The following CDKN2A variants were observed in gnomAD, a reference collection of about 807,000 sequenced individuals.
CDKN2A encodes the protein cyclin-dependent kinase inhibitor 2A.
A neutral mutation model predicts 11.1 loss-of-function variants in CDKN2A; 3 were observed. The ratio of observed to expected loss-of-function variants is 0.27; its 90% CI spans 0.12 to 0.70. The LOEUF is 0.70. Among genes scored for constraint, CDKN2A ranks in the 30% least tolerant of loss-of-function variants. CDKN2A has a pLI of 0.77. For synonymous variants in CDKN2A, 122 were observed against 108.1 expected, an observed-to-expected ratio of 1.13 and a Z score of -0.80; for missense variants, 265 against 233.6, an observed-to-expected ratio of 1.13 and a Z score of -0.88.
chr9:21,987,222 A>G (rs534541319), intron 2 of CDKN2A, among the ~76,000 whole-genome samples: 4 of 152,108 alleles, frequency 2.6e-5, no homozygotes, highest in African/African-American at 9.6e-5. Flanking sequence ...TTGTCCATAA[A>G]TGCTTTATTC....
chr9:21,993,876 A>G, intron 2 of CDKN2A: 1 of 548,506 alleles, frequency 1.8e-6, no homozygotes, highest in Non-Finnish European at 3.3e-6. Flanking sequence ...GATATTCGGG[A>G]CTCACTGACT....
At position 21,974,762 on chromosome 9, in the gene CDKN2A, C is replaced by G. The variant is rs776810546; in HGVS notation, c.66G>C (p.Arg22=). 1 of 1,609,360 alleles carries G rather than the reference C, an allele frequency of 6.2e-7. No individual in the cohort carries two copies. The highest frequency in any genetic ancestry group is 8.5e-7 in the Non-Finnish European group (1 of 1,179,418). ...SADWLATAAA[R]GRVEEVRALL... is the part of the protein sequence containing the mutation. ...GCGCCCGCACCTCCTCTACCCGACC[C>G]CGGGCCGCGGCCGTGGCCAGCCAGT... The change falls in exon 1 of 3, where the codon CGG becomes CGC. Residue 22 remains arginine, a synonymous_variant. Coordinates refer to ENST00000304494, the MANE Select transcript of CDKN2A (RefSeq NM_000077.5). This position sits in a 1 kb window ranked among gnomAD's most constrained non-coding sequence, Gnocchi z 5.2.
rs59981968 is a variant in CDKN2A, at chr9:21,971,575, A to ATTTTTTTTTTTTTTT, written c.151-382_151-368dup. On this transcript the variant is annotated intron_variant, in intron 1 of 2. Coordinates refer to ENST00000304494, the MANE Select transcript of CDKN2A (RefSeq NM_000077.5). ...TCCTGAAATTATGTTAGGCCTGGAG[A>ATTTTTTTTTTTTTTT]TTTTTTTTTTTTTTTTTGTTCACTG... Among the ~76,000 whole-genome samples, 711 of 111,210 alleles carry ATTTTTTTTTTTTTTT rather than the reference A, an allele frequency of 6.4e-3. 32 individuals are homozygous for ATTTTTTTTTTTTTTT. The highest frequency in any genetic ancestry group is 0.023 in the Middle Eastern group (5 of 214). 73.0% of individuals were successfully genotyped at this position (111,210 alleles called of 152,430 possible). A position where few individuals can be genotyped will look rare whatever the true frequency, so the allele number is the denominator to read the frequency against.
chr9:21,968,358 C>T lies in CDKN2A; in HGVS notation c.458-116G>A. On this transcript the variant is annotated intron_variant, in intron 2 of 2. Coordinates refer to ENST00000304494, the MANE Select transcript of CDKN2A (RefSeq NM_000077.5). The surrounding 1 kb of genome is among the most constrained non-coding windows in gnomAD (Gnocchi z 4.7). ...CATTGAAATACTTATGGATAAAGTT[C>T]TCGCAATGGCTTCACGTGCATGTAC... The T allele has an allele frequency of 2.0e-6, 3 of 1,507,158 alleles. No homozygotes were observed. The highest frequency in any genetic ancestry group is 9.1e-7 in the Non-Finnish European group (1 of 1,101,588). 93.4% of individuals were successfully genotyped at this position (1,507,158 alleles called of 1,614,324 possible).
At chr9:21,983,787 G>A (rs748924003) in intron 2 of CDKN2A, among the ~76,000 whole-genome samples, 1 of 151,908 alleles carries the variant, frequency 6.6e-6, no homozygotes, top group Admixed American at 6.6e-5. Context: ...TGTGGGTGGC[G>A]GGAAATGCCA....
At chr9:21,992,594 A>G (rs1820452592) in intron 2 of CDKN2A, 2 of 330,736 alleles carry the variant, frequency 6.0e-6, no homozygotes, top group South Asian at 1.2e-4. Context: ...AATCACCACA[A>G]TGTTATGTTT....
At chr9:21,969,068 T>C (rs1358949884) in intron 2 of CDKN2A, among the ~76,000 whole-genome samples, 1 of 152,152 alleles carries the variant, frequency 6.6e-6, no homozygotes, top group East Asian at 1.9e-4. Flanking sequence ...ATTGCATTGG[T>C]TTTATAAACT....
Position 21,968,322 on chromosome 9 carries a change from G to T in CDKN2A, c.458-80C>A, listed in dbSNP as rs1819509872. ...GCACATCCCGCCCTCCTCTCTTGCC[G>T]TCCCTACCGGCATTGAAATACTTAT... is the stretch of plus-strand genomic sequence containing the variant. On this transcript the variant is annotated intron_variant, in intron 2 of 2. Coordinates refer to ENST00000304494, the MANE Select transcript of CDKN2A (RefSeq NM_000077.5). This position sits in a 1 kb window ranked among gnomAD's most constrained non-coding sequence, Gnocchi z 4.7. The T allele has an allele frequency of 6.4e-7, 1 of 1,563,506 alleles. No individual in the cohort carries two copies. The highest frequency in any genetic ancestry group is 8.8e-7 in the Non-Finnish European group (1 of 1,136,258).
chr9:21,969,038 T>A (rs943891121), intron 2 of CDKN2A, among the ~76,000 whole-genome samples: 1 of 152,190 alleles, frequency 6.6e-6, no homozygotes, highest in Admixed American at 6.5e-5. Flanking sequence ...TCTCCTCCTA[T>A]TCACACTTCA....
chr9:21,976,938 C>T (rs1203015188), upstream of CDKN2A, among the ~76,000 whole-genome samples: 1 of 152,236 alleles, frequency 6.6e-6, no homozygotes, highest in African/African-American at 2.4e-5. Context: ...ATTGCTCAGA[C>T]TTTGCTGATG....
chr9:21,974,456 G>T lies in CDKN2A; in HGVS notation c.150+222C>A, dbSNP rs1323923319. ...CTTCAGATCTTCTCAGCATTCGAGA[G>T]ATCTGTACGCGCGTGGCTCCTCATT... On this transcript the variant is annotated intron_variant, in intron 1 of 2. Coordinates refer to ENST00000304494, the MANE Select transcript of CDKN2A (RefSeq NM_000077.5). The surrounding 1 kb of genome is among the most constrained non-coding windows in gnomAD (Gnocchi z 5.2). 3 of 1,605,996 alleles carry T rather than the reference G, an allele frequency of 1.9e-6. No homozygotes were observed. The African/African-American group carries it at 4.3e-5, about 23-fold the overall frequency.
At chr9:21,980,306 A>G (rs1820141021) in intron 2 of CDKN2A, among the ~76,000 whole-genome samples, 1 of 152,206 alleles carries the variant, frequency 6.6e-6, no homozygotes, top group Non-Finnish European at 1.5e-5. Flanking sequence ...TGTTTTAAAT[A>G]TAGCTTGGTG....
At chr9:21,987,433 A>ACAC (rs1820328572) in intron 2 of CDKN2A, among the ~76,000 whole-genome samples, 1 of 99,752 alleles carries the variant, frequency 1.0e-5, no homozygotes, top group East Asian at 4.8e-4. Flanking sequence ...ACACACACAC[A>ACAC]GAGAGAGAGA....
chr9:21,977,556 G>A (rs1005545145), upstream of CDKN2A, among the ~76,000 whole-genome samples: 1 of 152,054 alleles, frequency 6.6e-6, no homozygotes, highest in Non-Finnish European at 1.5e-5. Context: ...AGTAGAGACG[G>A]GGTTTCACTA....
chr9:21,993,598 TC>T (rs929181433), intron 2 of CDKN2A, among the ~76,000 whole-genome samples: 1 of 152,124 alleles, frequency 6.6e-6, no homozygotes, highest in African/African-American at 2.4e-5. Flanking sequence ...CAGTAACTGA[TC>T]CTACGATCCT....
At chr9:21,986,843 C>T (rs904614570) in intron 2 of CDKN2A, among the ~76,000 whole-genome samples, 5 of 151,856 alleles carry the variant, frequency 3.3e-5, no homozygotes, top group Admixed American at 3.3e-4. Flanking sequence ...TCAAAGTGTC[C>T]GATGTTGGAC....
In CDKN2A at chr9:21,971,186, CG is replaced by C; in HGVS notation, c.172del (p.Arg58GlufsTer88). 1 of 1,597,428 alleles carries C rather than the reference CG, an allele frequency of 6.3e-7. No individual in the cohort carries two copies. Among genetic ancestry groups the C allele is most frequent in the Non-Finnish European group, 8.5e-7 (1 of 1,178,740 alleles). ...PIQVMMMGSA[R>X]VAELLLLHGA... ...GTGGAGCAGCAGCAGCTCCGCCACT[CG>C]GGCGCTGCCCATCATCATGACCTGC... On this transcript the variant is annotated frameshift_variant, in exon 2 of 3. Coordinates refer to ENST00000304494, the MANE Select transcript of CDKN2A (RefSeq NM_000077.5). LOFTEE classifies it high-confidence loss of function.
Position 21,968,628 on chromosome 9 carries a change from GC to G in CDKN2A, c.458-387del. The G allele has an allele frequency of 6.6e-7, 1 of 1,518,754 alleles. No individual in the cohort carries two copies. Among genetic ancestry groups the G allele is most frequent in the Non-Finnish European group, 8.8e-7 (1 of 1,137,816 alleles). The allele number at this position is 1,518,754 out of a possible 1,614,324, so 94.1% of individuals were successfully genotyped here. A position where few individuals can be genotyped will look rare whatever the true frequency, so the allele number is the denominator to read the frequency against. On this transcript the variant is annotated intron_variant, in intron 2 of 2. Coordinates refer to ENST00000304494, the MANE Select transcript of CDKN2A (RefSeq NM_000077.5). This position sits in a 1 kb window ranked among gnomAD's most constrained non-coding sequence, Gnocchi z 4.7. The stretch of plus-strand genomic sequence containing the variant: ...GGCCTTTCCCTTCCCGCATCCCCAG[GC>G]ATCTTTTGCACCTGGTGCGGAGTGA...
chr9:21,987,396 A>AACACACACACAC lies in CDKN2A; in HGVS notation c.-4+6474_-4+6485dup, dbSNP rs375380204. ...TAAAATGAAAGAAACCCCTTATTAC[A>AACACACACACAC]ACACACACACACACACACACACACA... On this transcript the variant is annotated intron_variant, in intron 2 of 3. Transcript: ENST00000494262. 5.1e-3 allele frequency among the ~76,000 whole-genome samples: 458 copies of AACACACACACAC among 89,904 alleles called. 1 individual carries two copies. The highest frequency in any genetic ancestry group is 6.7e-3 in the Admixed American group (59 of 8,830). The allele number at this position is 89,904 out of a possible 152,430, so 59.0% of individuals were successfully genotyped here.
Sources: allele counts gnomAD v4.1 joint callset (sites outside exome capture counted in the v4.1 genomes callset), GRCh38; gene constraint gnomAD v4.1.1; non-coding constraint Gnocchi (gnomAD v3.1); transcripts MANE v1.5; gene names NCBI Gene and HGNC (gene_info 2026-07-23, HGNC 2026-07-21).